Variants in NOS3 observed in about 807,000 individuals in gnomAD.
NOS3 encodes NOS type III.
Under a neutral mutation model 144.9 loss-of-function variants are expected in NOS3, and 98 were observed. That is an observed-to-expected ratio of 0.68 (90% CI 0.57 to 0.80). The LOEUF is 0.80. Ranked by LOEUF, NOS3 falls within the 30% of genes least tolerant of loss-of-function variation. NOS3 has a pLI of 0.00. For synonymous variants in NOS3, 714 were observed against 702.4 expected, an observed-to-expected ratio of 1.02 and a Z score of -0.26; for missense variants, 1,465 against 1,656.4, an observed-to-expected ratio of 0.88 and a Z score of 2.01.
chr7:151,009,583 C>T lies in NOS3; in HGVS notation c.2510C>T (p.Pro837Leu). 6.5e-7 allele frequency: 1 copy of T among 1,529,140 alleles called. No homozygotes were observed. The highest frequency in any genetic ancestry group is 1.2e-5 in the South Asian group (1 of 82,548). 94.7% of individuals were successfully genotyped at this position (1,529,140 alleles called of 1,614,324 possible). Residue 837 changes from proline (P) to leucine (L), a missense_variant and splice_region_variant, in exon 20 of 27, where the codon CCT (proline) becomes CTT (leucine). Coordinates refer to ENST00000297494, the MANE Select transcript of NOS3 (RefSeq NM_000603.5). ...VAVEQLEKGSPGGPPPGWVRD... is the reference protein window; with the variant it reads ...VAVEQLEKGSLGGPPPGWVRD... ...GTAGAGCAGCTGGAGAAGGGCAGCCCTGGTGAGGGGCAGCCTGGGAAGCAA... is the reference window on the plus strand; with the variant it reads ...GTAGAGCAGCTGGAGAAGGGCAGCCTTGGTGAGGGGCAGCCTGGGAAGCAA...
rs41483644 is a variant in NOS3, at chr7:151,013,116, G to A, written c.3107-115G>A. 3.5e-3 allele frequency: 3,881 copies of A among 1,104,376 alleles called. 84 individuals are homozygous for A. In the African/African-American group the frequency reaches 0.05, roughly 14 times the overall value. 68.4% of individuals were successfully genotyped at this position (1,104,376 alleles called of 1,614,324 possible). A position where few individuals can be genotyped will look rare whatever the true frequency, so the allele number is the denominator to read the frequency against. On this transcript the variant is annotated intron_variant, in intron 24 of 26. Coordinates refer to ENST00000297494, the MANE Select transcript of NOS3 (RefSeq NM_000603.5). ...TTAGAGATGAAACAGCCAAAGTAATGGTGGTTTCAGCCCAAAACGCTGGGC... is the reference window on the plus strand; with the variant it reads ...TTAGAGATGAAACAGCCAAAGTAATAGTGGTTTCAGCCCAAAACGCTGGGC...
chr7:151,000,393 T>A, intron 9 of NOS3, 105 bp from the exon 10 acceptor site: 1 of 765,270 alleles, frequency 1.3e-6, no homozygotes, highest in Non-Finnish European at 2.3e-6. Context: ...TGGACACCAC[T>A]CACCTCACTC....
intron 25 of NOS3, 78 bp from the exon 26 acceptor site, chr7:151,013,646 C>T (rs1007444947): frequency 1.2e-5 from 16 of 1,349,184 alleles, no homozygotes; most frequent in Non-Finnish European, 1.6e-5. Flanking sequence ...CTTTCACGTC[C>T]AGGGCCAGCC....
chr7:151,007,174 G>C lies in NOS3; in HGVS notation c.2010G>C (p.Arg670=), dbSNP rs776862056. 1.7e-5 allele frequency: 27 copies of C among 1,613,574 alleles called. 1 individual carries two copies. In the South Asian group the frequency reaches 2.5e-4, roughly 15 times the overall value. Residue 670 remains arginine, a synonymous_variant, in exon 17 of 27, where the codon CGG becomes CGC. Transcript: ENST00000297494. The part of the protein sequence containing the change: ...FCAFARAVDT[R]LEELGGERLL... ...CCTTTGCTCGTGCCGTGGACACACG[G>C]CTGGAGGAACTGGGCGGGGAGCGGC...
rs1390888411 is a variant in NOS3, at chr7:151,001,855, G to T, written c.1537G>T (p.Val513Leu). Residue 513 changes from valine to leucine, a missense_variant, in exon 13 of 27, where the codon GTG becomes TTG. Physicochemically the swap from Val to Leu is conservative, Grantham distance 32 (BLOSUM62 1). This residue lies in a region of NOS3 where 745 missense variants were observed against 853.9 expected (regional missense o/e 0.87). Coordinates refer to ENST00000297494, the MANE Select transcript of NOS3 (RefSeq NM_000603.5). The stretch of plus-strand genomic sequence containing the variant: ...GATCTCCGCCTCGCTCATGGGCACG[G>T]TGATGGCGAAGCGAGTGAAGGCGAC... ...VKISASLMGT[V>L]MAKRVKATIL... 5.6e-6 allele frequency: 9 copies of T among 1,613,438 alleles called. No homozygotes were observed. Among genetic ancestry groups the T allele is most frequent in the Non-Finnish European group, 7.6e-6 (9 of 1,179,986 alleles).
chr7:151,013,552 T>TG, intron 25 of NOS3, 172 bp from the exon 26 acceptor site: 2 of 931,676 alleles, frequency 2.1e-6, no homozygotes, highest in Non-Finnish European at 1.5e-6. Flanking sequence ...GCCCGCCTCC[T>TG]CCCGCCCCTG....
chr7:151,004,961 G>A (rs554135868), intron 14 of NOS3, among the ~76,000 whole-genome samples: 26 of 152,232 alleles, frequency 1.7e-4, no homozygotes, highest in Non-Finnish European at 2.4e-4. Flanking sequence ...CGGTTCAAGC[G>A]ATTCTCCTGC....
At chr7:151,012,250 A>G (rs1795321258) in intron 23 of NOS3, 101 bp from the exon 24 acceptor site, 2 of 620,782 alleles carry the variant, frequency 3.2e-6, no homozygotes, top group Non-Finnish European at 4.7e-6. Flanking sequence ...TTTTTTTGAG[A>G]TGGGAAGAAC....
rs1284513401 is a variant in NOS3 at position 151,010,604 on chromosome 7, GACGCT to G, written c.2697_2701del (p.Tyr900GlyfsTer130). ...TGCATCCTGCCCCGCCAGGATCCCC[GACGCT>G]ACGAGGAGTGGAAGTGGTTCCGCTG... On this transcript the variant is annotated frameshift_variant, in exon 22 of 27. Coordinates refer to ENST00000297494, the MANE Select transcript of NOS3 (RefSeq NM_000603.5). LOFTEE classifies it high-confidence loss of function. 3 of 1,589,484 alleles carry G rather than the reference GACGCT, an allele frequency of 1.9e-6. No individual in the cohort carries two copies. The highest frequency in any genetic ancestry group is 2.6e-6 in the Non-Finnish European group (3 of 1,167,284).
At position 151,014,297 on chromosome 7, in the gene NOS3, G is replaced by C; in HGVS notation, c.*128G>C. The C allele has an allele frequency of 2.0e-6, 2 of 993,188 alleles. No homozygotes were observed. The highest frequency in any genetic ancestry group is 2.9e-6 in the Non-Finnish European group (2 of 693,956). 61.5% of individuals were successfully genotyped at this position (993,188 alleles called of 1,614,324 possible). A position where few individuals can be genotyped will look rare whatever the true frequency, so the allele number is the denominator to read the frequency against. ...CTCACATCTGTCCAGAGGCTGCAAGGATTCAGCATTATTCCTCCAGGAAGG... is the reference window on the plus strand; with the variant it reads ...CTCACATCTGTCCAGAGGCTGCAAGCATTCAGCATTATTCCTCCAGGAAGG... On this transcript the variant is annotated 3_prime_UTR_variant, in exon 27 of 27. Coordinates refer to ENST00000297494, the MANE Select transcript of NOS3 (RefSeq NM_000603.5).
At chr7:151,011,912 A>G in intron 23 of NOS3, 1 of 381,542 alleles carries the variant, frequency 2.6e-6, no homozygotes, top group South Asian at 1.9e-5. Flanking sequence ...AAGTCCTGGT[A>G]GGACTGAGAA....
Position 151,010,256 on chromosome 7 carries a change from G to A in NOS3, c.2654G>A (p.Arg885Lys), listed in dbSNP as rs3918201. 6.2e-7 allele frequency: 1 copy of A among 1,613,002 alleles called. No individual in the cohort carries two copies. Among genetic ancestry groups the A allele is most frequent in the Non-Finnish European group, 8.5e-7 (1 of 1,179,902 alleles). ...RLLSTLAEEP[R>K]EQQELEALSQ... Reference sequence around the variant, plus strand: ...CTCAGCACCTTGGCAGAAGAGCCCAGGGAACAGCAGGAGCTGGAGGCCCTC... The same window carrying A: ...CTCAGCACCTTGGCAGAAGAGCCCAAGGAACAGCAGGAGCTGGAGGCCCTC... The change falls in exon 21 of 27, where the codon AGG becomes AAG. Residue 885 changes from arginine to lysine, a missense_variant. By Grantham distance (26) the Arg-to-Lys change is conservative. Around this residue, in one of 5 missense-constraint regions of NOS3, gnomAD observed 745 missense variants for 853.9 expected, o/e 0.87. Transcript: ENST00000297494.
intron 1 of NOS3, among the ~76,000 whole-genome samples, chr7:150,992,550 G>A (rs1802275491): frequency 6.6e-6 from 1 of 152,108 alleles, no homozygotes; most frequent in Non-Finnish European, 1.5e-5. Flanking sequence ...TCCAAAACTG[G>A]CAGACCCCAC....
At position 151,008,963 on chromosome 7, in the gene NOS3, G is replaced by T; in HGVS notation, c.2146G>T (p.Ala716Ser). 1 of 1,610,610 alleles carries T rather than the reference G, an allele frequency of 6.2e-7. No homozygotes were observed. The highest frequency in any genetic ancestry group is 8.5e-7 in the Non-Finnish European group (1 of 1,179,130). The change falls in exon 18 of 27, where the codon GCC becomes TCC. Residue 716 changes from alanine (A) to serine (S), a missense_variant. This residue lies in a region of NOS3 where 745 missense variants were observed against 853.9 expected (regional missense o/e 0.87). Transcript: ENST00000297494. ...TGAGACCTTCTGTGTGGGAGAGGAT[G>T]CCAAGGCCGCCGCCCGAGACATCTT... is the stretch of plus-strand genomic sequence containing the variant. ...ACETFCVGED[A>S]KAAARDIFSP...
At chr7:150,995,648 CT>C (rs1271339212) in intron 3 of NOS3, among the ~76,000 whole-genome samples, 1 of 1,000 alleles carries the variant, frequency 1.0e-3, no homozygotes, top group East Asian at 0.011. Flanking sequence ...CCCTGCACCC[CT>C]CTTCCCTCTC....
chr7:151,013,626 G>C, intron 25 of NOS3, 98 bp from the exon 26 acceptor site: 1 of 1,000,978 alleles, frequency 1.0e-6, no homozygotes, highest in South Asian at 1.6e-5. Flanking sequence ...CACCAGGCCC[G>C]CTCCGGAGAC....
rs1795019775 is a variant in NOS3 at position 150,999,272 on chromosome 7, G to C, written c.1039G>C (p.Glu347Gln). 4.3e-6 allele frequency: 7 copies of C among 1,612,392 alleles called. No individual in the cohort carries two copies. The East Asian group carries it at 1.6e-4, about 36-fold the overall frequency. Residue 347 changes from glutamate (E) to glutamine (Q), a missense_variant, in exon 9 of 27, where the codon GAG becomes CAG. By Grantham distance (29) the Glu-to-Gln change is conservative. Coordinates refer to ENST00000297494, the MANE Select transcript of NOS3 (RefSeq NM_000603.5). ...CATGCTGCTGGAAATTGGGGGCCTG[G>C]AGTTCCCCGCAGCCCCCTTCAGTGG... ...SNMLLEIGGL[E>Q]FPAAPFSGWY... is the part of the protein sequence containing the mutation.
rs1303915435 is a variant in NOS3, at chr7:151,001,805, C to A, written c.1503-16C>A. The stretch of plus-strand genomic sequence containing the variant: ...TCTGTGCACCCAGGACACCCTCACA[C>A]CTTCCTCTCCCGCAGCGCCGTGAAG... On this transcript the variant is annotated splice_polypyrimidine_tract_variant and intron_variant, in intron 12 of 26. Transcript: ENST00000297494. The A allele has an allele frequency of 6.2e-7, 1 of 1,613,438 alleles. No individual in the cohort carries two copies. Among genetic ancestry groups the A allele is most frequent in the African/African-American group, 1.3e-5 (1 of 74,948 alleles).
intron 24 of NOS3, 178 bp downstream of exon 24, chr7:151,012,650 C>A: frequency 1.5e-6 from 1 of 658,806 alleles, no homozygotes; most frequent in Non-Finnish European, 2.5e-6. Context: ...GGGCCCTGAG[C>A]TTCTGGCTTC....
Sources: allele counts gnomAD v4.1 joint callset (sites outside exome capture counted in the v4.1 genomes callset), GRCh38; gene constraint gnomAD v4.1.1; regional missense constraint gnomAD v4.1.1; transcripts MANE v1.5; gene names NCBI Gene and HGNC (gene_info 2026-07-23, HGNC 2026-07-21).